The following JMJD1C variants were observed in gnomAD, a reference collection of about 807,000 sequenced individuals.
JMJD1C encodes jumonji domain containing 1C, also known as jumonji domain-containing protein 1C.
In JMJD1C, 31 loss-of-function variants were observed where a neutral mutation model predicts 245.3. The observed-to-expected ratio is 0.13, with a 90% confidence interval of 0.09 to 0.17. The LOEUF is 0.17. JMJD1C is among the 10% of genes least tolerant of loss of function. The pLI, the probability that JMJD1C is intolerant of heterozygous loss-of-function variation, is 1.00. For missense variants in JMJD1C, 2,691 were observed against 3,000.2 expected (o/e 0.90, Z 2.41); for synonymous variants, 1,057 against 1,017.4 (o/e 1.04, Z -0.74).
rs1394144822 is a variant in JMJD1C, at chr10:63,203,094, A to C, written c.5075-2417T>G. ...GCATTTAGAGCTTTTTTTCAATAAAAGAATAAATGAGTACAAAGACATTAA... is the reference window on the plus strand; with the variant it reads ...GCATTTAGAGCTTTTTTTCAATAAACGAATAAATGAGTACAAAGACATTAA... On this transcript the variant is annotated intron_variant, in intron 10 of 25. Transcript: ENST00000399262. 3.0e-6 allele frequency: 3 copies of C among 985,074 alleles called. No individual in the cohort carries two copies. The African/African-American group carries it at 5.2e-5, about 17-fold the overall frequency. 61.0% of individuals were successfully genotyped at this position (985,074 alleles called of 1,614,324 possible).
intron 4 of JMJD1C, among the ~76,000 whole-genome samples, chr10:63,218,347 C>G (rs1848221808): frequency 6.6e-6 from 1 of 152,004 alleles, no homozygotes; most frequent in Non-Finnish European, 1.5e-5. Flanking sequence ...AGAAAGTATT[C>G]CATATGACCT....
intron 2 of JMJD1C, among the ~76,000 whole-genome samples, chr10:63,290,421 C>T (rs1461057160): frequency 2.0e-5 from 3 of 152,050 alleles, no homozygotes; most frequent in African/African-American, 7.2e-5. Flanking sequence ...ATTAGTCAGG[C>T]GTGGTGGCGG....
At chr10:63,264,059 A>C (rs1855211020) in intron 3 of JMJD1C, among the ~76,000 whole-genome samples, 1 of 151,846 alleles carries the variant, frequency 6.6e-6, no homozygotes, top group Non-Finnish European at 1.5e-5. Context: ...AATTTCAACA[A>C]TCTTAAAAAA....
chr10:63,380,989 C>T (rs1163333351), intron 1 of JMJD1C, among the ~76,000 whole-genome samples: 1 of 152,176 alleles, frequency 6.6e-6, no homozygotes, highest in East Asian at 1.9e-4. Context: ...AACACTATTC[C>T]TAAGAGCCAC....
chr10:63,251,566 G>A (rs1020574967), intron 3 of JMJD1C, among the ~76,000 whole-genome samples: 2 of 152,174 alleles, frequency 1.3e-5, no homozygotes, highest in African/African-American at 2.4e-5. Flanking sequence ...ACTGAAAGGA[G>A]ATTGTGGACA....
intron 2 of JMJD1C, among the ~76,000 whole-genome samples, chr10:63,357,866 C>CAG (rs1554900757): frequency 0.028 from 3,815 of 137,798 alleles, 138 homozygotes; most frequent in African/African-American, 0.085. Context: ...CACACACACA[C>CAG]AGAGACAAAC....
intron 3 of JMJD1C, among the ~76,000 whole-genome samples, chr10:63,235,911 C>G (rs1396714544): frequency 6.6e-6 from 1 of 152,084 alleles, no homozygotes; most frequent in Non-Finnish European, 1.5e-5. Flanking sequence ...CCCAATTTAT[C>G]CAATCATTTT....
At chr10:63,476,996 A>T (rs1354505175) in intron 1 of JMJD1C, among the ~76,000 whole-genome samples, 1 of 152,202 alleles carries the variant, frequency 6.6e-6, no homozygotes, top group African/African-American at 2.4e-5. Context: ...AACTTTATAC[A>T]AAAAATTCAT....
intron 3 of JMJD1C, among the ~76,000 whole-genome samples, chr10:63,236,992 C>CA (rs11396650): frequency 1 from 152,318 of 152,318 alleles, 76,159 homozygotes; most frequent in Non-Finnish European, 1. Flanking sequence ...TATACATATA[C>CA]ATCGTGTCAA....
At chr10:63,406,897 A>G (rs1306289879) in intron 1 of JMJD1C, among the ~76,000 whole-genome samples, 10 of 152,220 alleles carry the variant, frequency 6.6e-5, no homozygotes, top group Non-Finnish European at 1.5e-4. Flanking sequence ...ATAATAATTA[A>G]CATGCTGGAT....
intron 2 of JMJD1C, among the ~76,000 whole-genome samples, chr10:63,290,554 C>CT (rs1858539470): frequency 6.6e-6 from 1 of 152,086 alleles, no homozygotes; most frequent in South Asian, 2.1e-4. Flanking sequence ...GAGCAAGACT[C>CT]TGTCTCAAAA....
chr10:63,433,056 A>G (rs1273366103), intron 1 of JMJD1C, among the ~76,000 whole-genome samples: 1 of 152,116 alleles, frequency 6.6e-6, no homozygotes, highest in African/African-American at 2.4e-5. Flanking sequence ...TCCTATATAC[A>G]TGGATCTCAA....
chr10:63,327,097 G>A (rs935174812), intron 2 of JMJD1C, among the ~76,000 whole-genome samples: 3 of 152,268 alleles, frequency 2.0e-5, no homozygotes, highest in Middle Eastern at 3.4e-3. Context: ...TGAGGTAGGA[G>A]AATCGCTTGA....
intron 1 of JMJD1C, among the ~76,000 whole-genome samples, chr10:63,491,529 G>A (rs907727392): frequency 3.3e-5 from 5 of 152,130 alleles, no homozygotes; most frequent in Non-Finnish European, 7.4e-5. Context: ...AAAAGAAAAT[G>A]AAGAAAAGGA....
intron 2 of JMJD1C, among the ~76,000 whole-genome samples, chr10:63,290,100 A>T (rs1858464687): frequency 1.3e-5 from 2 of 152,058 alleles, no homozygotes. Context: ...GCACCAAAAG[A>T]AGTTTGGGTC....
At chr10:63,494,202 T>C (rs1250758781) in intron 1 of JMJD1C, among the ~76,000 whole-genome samples, 2 of 152,034 alleles carry the variant, frequency 1.3e-5, no homozygotes, top group East Asian at 3.8e-4. Context: ...TCCCAGCTAC[T>C]TGGGAAGCTG....
chr10:63,214,752 T>C lies in JMJD1C; in HGVS notation c.1415A>G (p.Asp472Gly). The change falls in exon 8 of 26, where the codon GAT becomes GGT. Residue 472 changes from aspartate to glycine, a missense_variant. Coordinates refer to ENST00000399262, the MANE Select transcript of JMJD1C (RefSeq NM_032776.3). ...AGGAAGTAAATCATTAGAATTATGATCAGAAACTGTGGACTGTTCTGACGA... is the reference window on the plus strand; with the variant it reads ...AGGAAGTAAATCATTAGAATTATGACCAGAAACTGTGGACTGTTCTGACGA... Reference protein sequence around the residue: ...IHSSEQSTVSDHNSNDLLPQE... With the variant: ...IHSSEQSTVSGHNSNDLLPQE... 1 of 1,613,896 alleles carries C rather than the reference T, an allele frequency of 6.2e-7. No individual in the cohort carries two copies.
At chr10:63,490,865 A>C (rs1029456692) in intron 1 of JMJD1C, among the ~76,000 whole-genome samples, 2 of 151,524 alleles carry the variant, frequency 1.3e-5, no homozygotes, top group Non-Finnish European at 2.9e-5. Context: ...TGAATGCATG[A>C]ATAAATAAAG....
chr10:63,390,270 G>A (rs1947949239), intron 1 of JMJD1C, among the ~76,000 whole-genome samples: 1 of 152,012 alleles, frequency 6.6e-6, no homozygotes, highest in South Asian at 2.1e-4. Context: ...AAACAAACTG[G>A]AAAACCTTGA....
Sources: gnomAD v4.1 joint callset for allele counts (sites outside exome capture counted in the v4.1 genomes callset) on GRCh38, gnomAD v4.1.1 for gene constraint, MANE v1.5 for transcripts, NCBI Gene and HGNC (gene_info 2026-07-23, HGNC 2026-07-21) for gene names.